The following ZNF318 variants were observed in gnomAD, a reference collection of about 807,000 sequenced individuals.
ZNF318 encodes endocrine regulator.
ZNF318 carries 51 observed loss-of-function variants against 124.2 expected under a neutral mutation model. The observed-to-expected ratio is 0.41, with a 90% CI of 0.33 to 0.52. ZNF318 has a LOEUF of 0.52. Among genes scored for constraint, ZNF318 ranks in the 20% least tolerant of loss-of-function variants. The pLI, the probability that ZNF318 is intolerant of heterozygous loss-of-function variation, is 0.23. For missense variants in ZNF318, 2,815 were observed against 2,811.2 expected (o/e 1.00, Z -0.03); for synonymous variants, 1,090 against 1,040.7 (o/e 1.05, Z -0.91).
At chr6:43,346,021 G>T (rs925426672) in intron 6 of ZNF318, among the ~76,000 whole-genome samples, 2 of 151,752 alleles carry the variant, frequency 1.3e-5, no homozygotes, top group Admixed American at 1.3e-4. Context: ...TGGCCAACAT[G>T]GTGAAACCGT....
chr6:43,367,781 A>C (rs1779781119), intron 1 of ZNF318, among the ~76,000 whole-genome samples: 1 of 152,190 alleles, frequency 6.6e-6, no homozygotes, highest in African/African-American at 2.4e-5. Flanking sequence ...CATAGTGACA[A>C]ATCAATTTAA....
rs1242076590 is a variant in ZNF318 at position 43,369,432 on chromosome 6, GCGCCGCCGCAGCTGCAGCCGC to G, written c.-88_-68del. 1.8e-6 allele frequency: 2 copies of G among 1,133,542 alleles called. No homozygotes were observed. The highest frequency in any genetic ancestry group is 2.2e-6 in the Non-Finnish European group (2 of 921,282). 70.2% of individuals were successfully genotyped at this position (1,133,542 alleles called of 1,614,324 possible). On this transcript the variant is annotated 5_prime_UTR_variant, in exon 1 of 10. Coordinates refer to ENST00000361428, the MANE Select transcript of ZNF318 (RefSeq NM_014345.3). ...GGCGCCCTAGACGCAGGCTCGGAGC[GCGCCGCCGCAGCTGCAGCCGC>G]CGCCACCTCGGCCGCTGCGCGCCGC... is the stretch of plus-strand genomic sequence containing the variant.
In ZNF318 at chr6:43,348,371, TA is replaced by T; in HGVS notation, c.3024del (p.Lys1009ArgfsTer20). On this transcript the variant is annotated frameshift_variant, in exon 6 of 10. Transcript: ENST00000361428. LOFTEE classifies it high-confidence loss of function. ...AACGATGACACTTTTTCTGGGCTCT[TA>T]GATTTTTCTGCTTTCCCAGGCTTCT... ...PTEKPGKAEK[S>X]KSPEKVSSFS... The T allele has an allele frequency of 6.2e-7, 1 of 1,613,152 alleles. No individual in the cohort carries two copies.
intron 1 of ZNF318, among the ~76,000 whole-genome samples, chr6:43,367,817 T>TAC (rs773801089): frequency 3.3e-4 from 50 of 152,162 alleles, no homozygotes; most frequent in Non-Finnish European, 5.9e-4. Flanking sequence ...TCACAGTACT[T>TAC]ACATACATGT....
chr6:43,365,295 T>C lies in ZNF318; in HGVS notation c.545A>G (p.Asp182Gly). 1 of 1,613,938 alleles carries C rather than the reference T, an allele frequency of 6.2e-7. No homozygotes were observed. The highest frequency in any genetic ancestry group is 1.3e-5 in the African/African-American group (1 of 75,046). The change falls in exon 2 of 10, where the codon GAC (aspartate) becomes GGC (glycine). Residue 182 changes from aspartate to glycine, a missense_variant. This residue lies in a region of ZNF318 where 1,377 missense variants were observed against 1,353.5 expected (regional missense o/e 1.02). Transcript: ENST00000361428. ...GSPVDNLEDM[D>G]RDDLTDDSVF... The stretch of plus-strand genomic sequence containing the variant: ...CCCTGCCTTAGGTGATGCCTACCTG[T>C]CCATGTCTTCCAGATTATCCACTGG...
intron 6 of ZNF318, among the ~76,000 whole-genome samples, chr6:43,347,640 T>A (rs1391564941): frequency 6.6e-6 from 1 of 152,154 alleles, no homozygotes; most frequent in Non-Finnish European, 1.5e-5. Context: ...GCCTATGAGA[T>A]AATGAAGTGG....
chr6:43,348,196 C>G, intron 6 of ZNF318, 128 bp downstream of exon 6: 1 of 960,416 alleles, frequency 1.0e-6, no homozygotes, highest in South Asian at 1.6e-5. Context: ...ACACTCTGAT[C>G]TATACTGTAA....
intron 1 of ZNF318, among the ~76,000 whole-genome samples, chr6:43,366,239 T>G (rs947671697): frequency 6.6e-6 from 1 of 152,180 alleles, no homozygotes; most frequent in Non-Finnish European, 1.5e-5. Context: ...AGTATAGAGC[T>G]TGGTATACTT....
chr6:43,338,896 G>C lies in ZNF318; in HGVS notation c.5102C>G (p.Ser1701Cys). ...PKTDTLAIWT[S>C]SSFQSDTSRD... The stretch of plus-strand genomic sequence containing the variant: ...ACTAGTGTCACTCTGGAAGGAACTA[G>C]AGGTCCATATGGCCAAAGTGTCTGT... The change falls in exon 10 of 10, where the codon TCT (serine) becomes TGT (cysteine). Residue 1701 changes from serine to cysteine, a missense_variant. Coordinates refer to ENST00000361428, the MANE Select transcript of ZNF318 (RefSeq NM_014345.3). The C allele has an allele frequency of 6.2e-7, 1 of 1,614,108 alleles. No individual in the cohort carries two copies. The highest frequency in any genetic ancestry group is 8.5e-7 in the Non-Finnish European group (1 of 1,180,038).
intron 4 of ZNF318, among the ~76,000 whole-genome samples, chr6:43,354,008 G>A (rs1000325969): frequency 6.6e-6 from 1 of 151,938 alleles, no homozygotes; most frequent in Non-Finnish European, 1.5e-5. Context: ...GAGGCTGGCA[G>A]GGGAGGATCA....
At chr6:43,346,617 A>C (rs1180630769) in intron 6 of ZNF318, among the ~76,000 whole-genome samples, 1 of 152,106 alleles carries the variant, frequency 6.6e-6, no homozygotes, top group Non-Finnish European at 1.5e-5. Flanking sequence ...TTTTACAAAG[A>C]AACAAATTAC....
Position 43,339,453 on chromosome 6 carries a change from A to G in ZNF318, c.4545T>C (p.Ser1515=). Residue 1515 remains serine (S), a synonymous_variant, in exon 10 of 10, where the codon TCT becomes TCC. Transcript: ENST00000361428. The surrounding 1 kb of genome is among the most constrained non-coding windows in gnomAD (Gnocchi z 4.2). ...MASAQPAAIP[S]DETAPGVSES... is the part of the protein sequence containing the mutation. ...CACTCACCCCAGGAGCTGTCTCATC[A>G]GAAGGAATGGCAGCTGGCTGTGCTG... The G allele has an allele frequency of 6.2e-7, 1 of 1,613,790 alleles. No homozygotes were observed.
chr6:43,352,266 A>AGTTTAATTATGTG, intron 5 of ZNF318, 111 bp downstream of exon 5: 1 of 385,004 alleles, frequency 2.6e-6, no homozygotes, highest in Non-Finnish European at 3.7e-6. Context: ...TAATTACGTC[A>AGTTTAATTATGTG]AAAAAAAATT....
chr6:43,345,494 C>T (rs769934566), intron 6 of ZNF318, among the ~76,000 whole-genome samples: 49 of 152,128 alleles, frequency 3.2e-4, no homozygotes, highest in Admixed American at 1.6e-3. Context: ...ACCATGAAGA[C>T]GCACCCAAAT....
At chr6:43,368,462 A>G (rs1779790301) in intron 1 of ZNF318, among the ~76,000 whole-genome samples, 1 of 152,230 alleles carries the variant, frequency 6.6e-6, no homozygotes, top group Non-Finnish European at 1.5e-5. Flanking sequence ...TTCATTCCGA[A>G]GCAGCAGCTC....
At chr6:43,347,898 A>G (rs546867024) in intron 6 of ZNF318, among the ~76,000 whole-genome samples, 2 of 152,322 alleles carry the variant, frequency 1.3e-5, no homozygotes, top group African/African-American at 4.8e-5. Context: ...AGCCAAGGGA[A>G]AAGAGTATTT....
At chr6:43,368,762 G>T (rs1779794204) in intron 1 of ZNF318, 1 of 985,450 alleles carries the variant, frequency 1.0e-6, no homozygotes, top group Non-Finnish European at 1.2e-6. Context: ...CACTCCCGAC[G>T]AGACGCCCGT....
At chr6:43,344,949 A>G (rs1562130096) in intron 6 of ZNF318, among the ~76,000 whole-genome samples, 1 of 152,190 alleles carries the variant, frequency 6.6e-6, no homozygotes, top group Non-Finnish European at 1.5e-5. Flanking sequence ...CAAGGTATTA[A>G]TAACAGTGGT....
chr6:43,341,358 T>G (rs1351993287), intron 8 of ZNF318, among the ~76,000 whole-genome samples: 1 of 152,122 alleles, frequency 6.6e-6, no homozygotes, highest in Non-Finnish European at 1.5e-5. Flanking sequence ...GGTAAGAAAT[T>G]GAAAAGTTTA....
Sources: gnomAD v4.1 joint callset for allele counts (sites outside exome capture counted in the v4.1 genomes callset) on GRCh38, gnomAD v4.1.1 for gene constraint, gnomAD v4.1.1 regional missense constraint, Gnocchi (gnomAD v3.1) non-coding constraint, MANE v1.5 for transcripts, NCBI Gene and HGNC (gene_info 2026-07-23, HGNC 2026-07-21) for gene names.